OLA1: variants seen among roughly 807,000 people sequenced by gnomAD.
OLA1 encodes the protein Obg like ATPase 1.
Under a neutral mutation model 48.4 loss-of-function variants are expected in OLA1, and 14 were observed. That is an observed-to-expected ratio of 0.29 (90% CI 0.19 to 0.45). The LOEUF (loss-of-function observed/expected upper bound fraction) is 0.45, where lower values mean the gene tolerates loss of function less well. Ranked by LOEUF, OLA1 falls within the 20% of genes least tolerant of loss-of-function variation. The pLI is 1.00. For missense variants in OLA1, 325 were observed against 467.1 expected (o/e 0.70, Z 2.80); for synonymous variants, 127 against 150.4 (o/e 0.84, Z 1.14).
chr2:174,132,180 G>A (rs1163835597), intron 5 of OLA1, among the ~76,000 whole-genome samples: 1 of 151,878 alleles, frequency 6.6e-6, no homozygotes, highest in Middle Eastern at 3.2e-3. Context: ...GCCTATTGAT[G>A]TCTACAGAAT....
chr2:174,146,286 TGATAA>T (rs1265864265), intron 4 of OLA1, among the ~76,000 whole-genome samples: 3 of 152,122 alleles, frequency 2.0e-5, no homozygotes, highest in Non-Finnish European at 2.9e-5. Flanking sequence ...GAAGGCAGGG[TGATAA>T]GATAAGACTT....
At chr2:174,130,313 T>C (rs1162933615) in intron 5 of OLA1, among the ~76,000 whole-genome samples, 1 of 152,134 alleles carries the variant, frequency 6.6e-6, no homozygotes, top group Non-Finnish European at 1.5e-5. Context: ...TGGGCAATAA[T>C]GAATGGAACT....
intron 4 of OLA1, among the ~76,000 whole-genome samples, chr2:174,182,817 G>A (rs888546580): frequency 5.3e-5 from 8 of 152,162 alleles, no homozygotes; most frequent in African/African-American, 1.9e-4. Flanking sequence ...AAGATGCCAT[G>A]CAATATGCAA....
At chr2:174,207,735 C>T (rs1688149342) in intron 4 of OLA1, among the ~76,000 whole-genome samples, 1 of 151,538 alleles carries the variant, frequency 6.6e-6, no homozygotes, top group South Asian at 2.1e-4. Context: ...CTAAAATAGA[C>T]TCTTTTAAGG....
chr2:174,091,820 G>A (rs115634655), intron 7 of OLA1, among the ~76,000 whole-genome samples: 19,796 of 130,748 alleles, frequency 0.15, 1,715 homozygotes, highest in Middle Eastern at 0.22. Flanking sequence ...TGCAGTGAGC[G>A]GAGATCATGC....
chr2:174,208,843 A>G (rs1319321896), intron 4 of OLA1, among the ~76,000 whole-genome samples: 1 of 152,224 alleles, frequency 6.6e-6, no homozygotes, highest in Non-Finnish European at 1.5e-5. Context: ...AGAAAGGACA[A>G]TAGCTTTAAT....
intron 7 of OLA1, among the ~76,000 whole-genome samples, chr2:174,113,504 T>C (rs1685704293): frequency 6.6e-6 from 1 of 152,174 alleles, no homozygotes; most frequent in South Asian, 2.1e-4. Flanking sequence ...AATATATTGC[T>C]GTTGCCTCTT....
intron 4 of OLA1, among the ~76,000 whole-genome samples, chr2:174,201,021 C>A (rs1687979249): frequency 6.6e-6 from 1 of 152,180 alleles, no homozygotes; most frequent in Non-Finnish European, 1.5e-5. Flanking sequence ...AAGAACCAAA[C>A]AAAATTACAA....
At chr2:174,100,521 C>G (rs1247552204) in intron 7 of OLA1, among the ~76,000 whole-genome samples, 1 of 152,180 alleles carries the variant, frequency 6.6e-6, no homozygotes, top group Admixed American at 6.5e-5. Context: ...CTCCCACGCT[C>G]AGCCTTCTGA....
intron 4 of OLA1, among the ~76,000 whole-genome samples, chr2:174,180,189 C>T (rs1255603346): frequency 6.6e-6 from 1 of 151,860 alleles, no homozygotes; most frequent in African/African-American, 2.4e-5. Context: ...TCTAAAGATT[C>T]CATAATAAAA....
At chr2:174,185,603 T>A (rs1004082780) in intron 4 of OLA1, among the ~76,000 whole-genome samples, 2 of 152,134 alleles carry the variant, frequency 1.3e-5, no homozygotes, top group South Asian at 2.1e-4. Context: ...CAGTACTTAA[T>A]AAAGAATTAC....
chr2:174,172,929 G>A (rs1176937563), intron 4 of OLA1, among the ~76,000 whole-genome samples: 1 of 151,928 alleles, frequency 6.6e-6, no homozygotes, highest in Non-Finnish European at 1.5e-5. Context: ...AAAGAGAGTG[G>A]CACTCTCTCT....
intron 4 of OLA1, among the ~76,000 whole-genome samples, chr2:174,176,488 C>T (rs1385532595): frequency 6.6e-6 from 1 of 151,912 alleles, no homozygotes. Context: ...CACAAATATG[C>T]ATAATAAAAA....
At chr2:174,243,808 C>T (rs1447192995) in intron 2 of OLA1, among the ~76,000 whole-genome samples, 1 of 152,190 alleles carries the variant, frequency 6.6e-6, no homozygotes, top group Admixed American at 6.5e-5. Flanking sequence ...CAGCCTTATG[C>T]AGACTAAAAA....
intron 4 of OLA1, among the ~76,000 whole-genome samples, chr2:174,199,094 T>G (rs946663485): frequency 6.6e-6 from 1 of 152,174 alleles, no homozygotes; most frequent in Non-Finnish European, 1.5e-5. Flanking sequence ...AACAGAAGTA[T>G]GCATAAAATG....
At chr2:174,202,703 T>C (rs181620157) in intron 4 of OLA1, among the ~76,000 whole-genome samples, 2 of 152,332 alleles carry the variant, frequency 1.3e-5, no homozygotes, top group East Asian at 1.9e-4. Flanking sequence ...AGAAGACTCA[T>C]CTTGTAAACA....
At chr2:174,174,165 T>G (rs753608527) in intron 4 of OLA1, among the ~76,000 whole-genome samples, 8 of 151,992 alleles carry the variant, frequency 5.3e-5, no homozygotes, top group Non-Finnish European at 8.8e-5. Context: ...GATAAAATAC[T>G]TTACAAGTGA....
At chr2:174,224,658 G>C (rs1574563839) in intron 3 of OLA1, among the ~76,000 whole-genome samples, 1 of 152,132 alleles carries the variant, frequency 6.6e-6, no homozygotes, top group African/African-American at 2.4e-5. Context: ...TTTACTGGAG[G>C]GGGTGTAGGA....
chr2:174,247,842 T>C, intron 1 of OLA1: 2 of 1,514,410 alleles, frequency 1.3e-6, no homozygotes, highest in East Asian at 2.5e-5. Context: ...CCCTTACTAG[T>C]TCTGTCTCCA....
Sources: gnomAD v4.1 joint callset for allele counts (sites outside exome capture counted in the v4.1 genomes callset) on GRCh38, gnomAD v4.1.1 for gene constraint, MANE v1.5 for transcripts, NCBI Gene and HGNC (gene_info 2026-07-23, HGNC 2026-07-21) for gene names.